Variants in DLGAP3 observed in about 807,000 individuals in gnomAD.
The protein encoded by DLGAP3 is disks large-associated protein 3.
A neutral mutation model predicts 81.2 loss-of-function variants in DLGAP3; 17 were observed. The ratio of observed to expected loss-of-function variants is 0.21; its 90% CI spans 0.14 to 0.31. The LOEUF (loss-of-function observed/expected upper bound fraction) is 0.31, where lower values mean the gene tolerates loss of function less well. DLGAP3 is among the 10% of genes least tolerant of loss of function. The pLI is 1.00. For missense variants in DLGAP3, 1,124 were observed against 1,388.0 expected (o/e 0.81, Z 3.02); for synonymous variants, 577 against 587.4 (o/e 0.98, Z 0.26).
chr1:34,895,219 T>A lies in DLGAP3; in HGVS notation c.1386+4450A>T, dbSNP rs1269506411. ...CGTCTGTACTAAAAATACAAAAAAA[T>A]TAGCCAGGCGTGGTGGCGGGCGCCT... is the stretch of plus-strand genomic sequence containing the variant. On this transcript the variant is annotated intron_variant, in intron 5 of 11. Coordinates refer to ENST00000373347, the MANE Select transcript of DLGAP3 (RefSeq NM_001080418.3). This position sits in a 1 kb window ranked among gnomAD's most constrained non-coding sequence, Gnocchi z 4.5. Among the ~76,000 whole-genome samples, 2 of 151,856 alleles carry A rather than the reference T, an allele frequency of 1.3e-5. No individual in the cohort carries two copies. Among genetic ancestry groups the A allele is most frequent in the African/African-American group, 4.8e-5 (2 of 41,324 alleles).
chr1:34,900,082 G>T lies in DLGAP3; in HGVS notation c.1299C>A (p.Asp433Glu). The T allele has an allele frequency of 1.2e-6, 2 of 1,613,316 alleles. No individual in the cohort carries two copies. Among genetic ancestry groups the T allele is most frequent in the Non-Finnish European group, 1.7e-6 (2 of 1,180,006 alleles). ...CCTGTCCTTACTTGATCCTGGCCTG[G>T]TCCACGCTGGAGGAGCGACGGGTGG... ...RFTTRRSSSV[D>E]QARINCCVPP... The change falls in exon 4 of 12, where the codon GAC (aspartate) becomes GAA (glutamate). Residue 433 changes from aspartate to glutamate, a missense_variant. Asp to Glu is a conservative substitution (Grantham distance 45). This residue lies in a region of DLGAP3 where 357 missense variants were observed against 408.8 expected (regional missense o/e 0.87). Coordinates refer to ENST00000373347, the MANE Select transcript of DLGAP3 (RefSeq NM_001080418.3). This position sits in a 1 kb window ranked among gnomAD's most constrained non-coding sequence, Gnocchi z 5.6.
chr1:34,911,029 C>CG (rs1553124122), intron 1 of DLGAP3, among the ~76,000 whole-genome samples: 6 of 150,724 alleles, frequency 4.0e-5, no homozygotes, highest in Non-Finnish European at 8.9e-5. Context: ...TCCACCCCCC[C>CG]CCCACCACCT....
chr1:34,867,403 AC>A lies in DLGAP3; in HGVS notation c.2577+132del. ...ACCTCCAGGCACAAGACTCACAGCT[AC>A]CCCAGAAGGCATGCAGGCCTGGTCT... On this transcript the variant is annotated intron_variant, in intron 10 of 11. Coordinates refer to ENST00000373347, the MANE Select transcript of DLGAP3 (RefSeq NM_001080418.3). The surrounding 1 kb of genome is among the most constrained non-coding windows in gnomAD (Gnocchi z 4.3). 1 of 1,052,650 alleles carries A rather than the reference AC, an allele frequency of 9.5e-7. No homozygotes were observed. Among genetic ancestry groups the A allele is most frequent in the Non-Finnish European group, 1.5e-6 (1 of 673,990 alleles). The allele number at this position is 1,052,650 out of a possible 1,614,324, so 65.2% of individuals were successfully genotyped here. A position where few individuals can be genotyped will look rare whatever the true frequency, so the allele number is the denominator to read the frequency against.
chr1:34,885,434 C>G, intron 7 of DLGAP3, 44 bp downstream of exon 7: 4 of 1,596,726 alleles, frequency 2.5e-6, no homozygotes, highest in Non-Finnish European at 3.4e-6. Flanking sequence ...CCAGCCCCGA[C>G]CGACCAGGGT....
At position 34,901,468 on chromosome 1, in the gene DLGAP3, A is replaced by C. The variant is rs1044372670; in HGVS notation, c.1108-1195T>G. ...CTCGGGAATTAGAAGATCCATGTGC[A>C]ATTCTGGCCCCATCACTTGCTGGAT... is the stretch of plus-strand genomic sequence containing the variant. On this transcript the variant is annotated intron_variant, in intron 3 of 11. Transcript: ENST00000373347. 5.9e-5 allele frequency among the ~76,000 whole-genome samples: 9 copies of C among 152,338 alleles called. No homozygotes were observed. In the South Asian group the frequency reaches 6.2e-4, roughly 11 times the overall value.
At chr1:34,915,336 G>A (rs570046853) in intron 1 of DLGAP3, among the ~76,000 whole-genome samples, 12 of 152,304 alleles carry the variant, frequency 7.9e-5, no homozygotes, top group African/African-American at 2.9e-4. Context: ...TATGTGATTT[G>A]GACTCGTGCT....
intron 2 of DLGAP3, among the ~76,000 whole-genome samples, chr1:34,905,856 A>G (rs1639542913): frequency 6.6e-6 from 1 of 151,352 alleles, no homozygotes; most frequent in Non-Finnish European, 1.5e-5. Flanking sequence ...AATTTTTTAA[A>G]TTAGCCAGAT....
intron 3 of DLGAP3, among the ~76,000 whole-genome samples, chr1:34,903,975 T>C (rs1639502379): frequency 1.3e-5 from 2 of 152,166 alleles, no homozygotes; most frequent in African/African-American, 4.8e-5. Context: ...GCCCTCAACT[T>C]CATTATGCCT....
chr1:34,879,952 A>G (rs1024554917), intron 8 of DLGAP3, among the ~76,000 whole-genome samples: 5 of 152,250 alleles, frequency 3.3e-5, no homozygotes, highest in African/African-American at 9.6e-5. Flanking sequence ...AACCAAAAGT[A>G]GAAGGAAGGA....
Position 34,913,611 on chromosome 1 carries a change from A to G in DLGAP3, c.-134-6174T>C, listed in dbSNP as rs114149471. Among the ~76,000 whole-genome samples the G allele has an allele frequency of 1.9e-3, 296 of 152,302 alleles. 1 individual carries two copies. Among genetic ancestry groups the G allele is most frequent in the African/African-American group, 6.6e-3 (276 of 41,568 alleles). ...GCGTGTTTATAGTATGTCTCCCCAT[A>G]GTAGAATATAAGCTCCAGAAGGGCA... On this transcript the variant is annotated intron_variant, in intron 1 of 11. Transcript: ENST00000373347.
In DLGAP3 at chr1:34,895,300, G is replaced by A. The variant is rs772675865; in HGVS notation, c.1386+4369C>T. On this transcript the variant is annotated intron_variant, in intron 5 of 11. Transcript: ENST00000373347. This position sits in a 1 kb window ranked among gnomAD's most constrained non-coding sequence, Gnocchi z 4.5. ...GAAGAATGGCGTGAACCCAGGAAGCGGAGCTTGCAGTGAGCCGAGATCATG... is the reference window on the plus strand; with the variant it reads ...GAAGAATGGCGTGAACCCAGGAAGCAGAGCTTGCAGTGAGCCGAGATCATG... Among the ~76,000 whole-genome samples, 97 of 151,636 alleles carry A rather than the reference G, an allele frequency of 6.4e-4. No homozygotes were observed. Among genetic ancestry groups the A allele is most frequent in the Non-Finnish European group, 1.0e-3 (70 of 67,906 alleles).
chr1:34,920,248 T>C (rs2148420250), intron 1 of DLGAP3, among the ~76,000 whole-genome samples: 1 of 152,266 alleles, frequency 6.6e-6, no homozygotes, highest in South Asian at 2.1e-4. Context: ...CCAACTCCTG[T>C]TCCCTATGGC....
intron 1 of DLGAP3, among the ~76,000 whole-genome samples, chr1:34,927,831 C>T (rs1639898456): frequency 6.6e-6 from 1 of 152,120 alleles, no homozygotes; most frequent in African/African-American, 2.4e-5. Flanking sequence ...CACTCTCTAA[C>T]CTTGGCCCAG....
rs1051155039 is a variant in DLGAP3, at chr1:34,895,164, G to A, written c.1386+4505C>T. ...AGGCGGATGACGAGGTCAGGAGATC[G>A]AGACGATCCTGGCTAACACGGTGAA... On this transcript the variant is annotated intron_variant, in intron 5 of 11. Coordinates refer to ENST00000373347, the MANE Select transcript of DLGAP3 (RefSeq NM_001080418.3). This position sits in a 1 kb window ranked among gnomAD's most constrained non-coding sequence, Gnocchi z 4.5. Among the ~76,000 whole-genome samples, 2 of 152,084 alleles carry A rather than the reference G, an allele frequency of 1.3e-5. No individual in the cohort carries two copies. Among genetic ancestry groups the A allele is most frequent in the African/African-American group, 2.4e-5 (1 of 41,430 alleles).
chr1:34,878,122 T>C (rs1639085675), intron 8 of DLGAP3, among the ~76,000 whole-genome samples: 2 of 152,110 alleles, frequency 1.3e-5, no homozygotes, highest in Non-Finnish European at 2.9e-5. Flanking sequence ...CTGGCCAACA[T>C]GGCGAAACCC....
At chr1:34,877,246 C>T (rs1020287729) in intron 8 of DLGAP3, among the ~76,000 whole-genome samples, 10 of 152,118 alleles carry the variant, frequency 6.6e-5, no homozygotes, top group Non-Finnish European at 1.3e-4. Context: ...TGCGCAAAGT[C>T]GGCAGCCAAG....
At position 34,877,126 on chromosome 1, in the gene DLGAP3, C is replaced by T. The variant is rs181558831; in HGVS notation, c.2000+7852G>A. Among the ~76,000 whole-genome samples, 258 of 152,214 alleles carry T rather than the reference C, an allele frequency of 1.7e-3. 2 individuals are homozygous for T. Among genetic ancestry groups the T allele is most frequent in the Admixed American group, 0.015 (228 of 15,298 alleles). On this transcript the variant is annotated intron_variant, in intron 8 of 11. Coordinates refer to ENST00000373347, the MANE Select transcript of DLGAP3 (RefSeq NM_001080418.3). Reference sequence around the variant, plus strand: ...GAGAGGGGGTCTAAGCCAAGTGAACCACAGGGAGATCAGACCAGACATATG... The same window carrying T: ...GAGAGGGGGTCTAAGCCAAGTGAACTACAGGGAGATCAGACCAGACATATG...
chr1:34,921,195 A>C (rs1374535832), intron 1 of DLGAP3, among the ~76,000 whole-genome samples: 2 of 152,210 alleles, frequency 1.3e-5, no homozygotes, highest in Non-Finnish European at 2.9e-5. Flanking sequence ...CTCAGGACGC[A>C]CTACACTTTG....
chr1:34,905,821 A>G (rs1216385909), intron 2 of DLGAP3, among the ~76,000 whole-genome samples: 1 of 151,724 alleles, frequency 6.6e-6, no homozygotes, highest in Non-Finnish European at 1.5e-5. Context: ...CTGGGCAACC[A>G]AGCAAGACCC....
Sources: allele counts gnomAD v4.1 joint callset (sites outside exome capture counted in the v4.1 genomes callset), GRCh38; gene constraint gnomAD v4.1.1; regional missense constraint gnomAD v4.1.1; non-coding constraint Gnocchi (gnomAD v3.1); transcripts MANE v1.5; gene names NCBI Gene and HGNC (gene_info 2026-07-23, HGNC 2026-07-21).